Variants in SIK3 observed in about 807,000 individuals in gnomAD.
SIK3 encodes the protein serine/threonine-protein kinase SIK3.
In SIK3, 28 loss-of-function variants were observed where a neutral mutation model predicts 144.2. The ratio of observed to expected loss-of-function variants is 0.19; its 90% CI spans 0.14 to 0.27. SIK3 has a LOEUF of 0.27. SIK3 is among the 10% of genes least tolerant of loss of function. The probability of loss-of-function intolerance (pLI) is 1.00; values close to 1 mark genes in which losing one functional copy is unlikely to be tolerated. For synonymous variants in SIK3, 686 were observed against 676.3 expected, an observed-to-expected ratio of 1.01 and a Z score of -0.22; for missense variants, 1,319 against 1,776.0, an observed-to-expected ratio of 0.74 and a Z score of 4.62.
At chr11:116,879,671 A>G (rs1379367593) in intron 6 of SIK3, among the ~76,000 whole-genome samples, 1 of 152,248 alleles carries the variant, frequency 6.6e-6, no homozygotes, top group Non-Finnish European at 1.5e-5. Flanking sequence ...ATAATACAAC[A>G]AAGTTCCTAT....
intron 21 of SIK3, among the ~76,000 whole-genome samples, chr11:116,850,683 A>G (rs925045042): frequency 6.6e-6 from 1 of 152,222 alleles, no homozygotes; most frequent in Admixed American, 6.5e-5. Flanking sequence ...GTTCTAGAAC[A>G]TTGTCCTATA....
intron 3 of SIK3, among the ~76,000 whole-genome samples, chr11:116,940,785 G>A (rs1948246609): frequency 6.8e-6 from 1 of 147,544 alleles, no homozygotes; most frequent in African/African-American, 2.5e-5. Flanking sequence ...CCTGGTGGGG[G>A]CATTAAAAAA....
At chr11:117,061,495 GATA>G (rs1183849149) in intron 1 of SIK3, among the ~76,000 whole-genome samples, 1 of 152,084 alleles carries the variant, frequency 6.6e-6, no homozygotes, top group Non-Finnish European at 1.5e-5. Flanking sequence ...GCAAATTGGG[GATA>G]ATAATCATCA....
intron 4 of SIK3, among the ~76,000 whole-genome samples, chr11:116,924,766 G>C (rs1260371827): frequency 6.6e-6 from 1 of 152,178 alleles, no homozygotes; most frequent in African/African-American, 2.4e-5. Context: ...TGGGGGCTGG[G>C]GGTGTCCTCT....
chr11:116,863,514 C>G (rs943817456), intron 16 of SIK3, among the ~76,000 whole-genome samples, 154 bp downstream of exon 16: 4 of 152,160 alleles, frequency 2.6e-5, no homozygotes, highest in African/African-American at 9.7e-5. Flanking sequence ...TAGGCGGGAT[C>G]CACTGCGCCC....
At chr11:117,061,707 G>A (rs915481838) in intron 1 of SIK3, among the ~76,000 whole-genome samples, 1 of 152,114 alleles carries the variant, frequency 6.6e-6, no homozygotes, top group African/African-American at 2.4e-5. Flanking sequence ...AAGATCCTCA[G>A]GTAATTGCTG....
chr11:116,953,905 C>T (rs531032436), intron 3 of SIK3, 139 bp downstream of exon 3: 114 of 604,076 alleles, frequency 1.9e-4, no homozygotes, highest in African/African-American at 1.9e-3. Flanking sequence ...AATTAAAATG[C>T]CTTTGTTGAT....
chr11:116,887,488 G>A (rs1035116076), intron 6 of SIK3, among the ~76,000 whole-genome samples: 2 of 151,674 alleles, frequency 1.3e-5, no homozygotes, highest in Non-Finnish European at 2.9e-5. Flanking sequence ...GTGGTGGCAC[G>A]CACCTGTAGT....
intron 1 of SIK3, among the ~76,000 whole-genome samples, chr11:117,018,720 ATT>A (rs58490007): frequency 3.4e-4 from 51 of 148,384 alleles, no homozygotes; most frequent in African/African-American, 7.4e-4. Context: ...TATTTTATTT[ATT>A]TTTTTTTTTT....
chr11:117,038,486 A>T (rs945170741), intron 1 of SIK3, among the ~76,000 whole-genome samples: 2 of 151,500 alleles, frequency 1.3e-5, no homozygotes, highest in East Asian at 2.0e-4. Context: ...CCTCCAGAGT[A>T]GCTGGGATTA....
At chr11:116,903,029 G>C (rs1042413938) in intron 4 of SIK3, among the ~76,000 whole-genome samples, 3 of 152,104 alleles carry the variant, frequency 2.0e-5, no homozygotes, top group African/African-American at 7.2e-5. Flanking sequence ...TATGCATCTT[G>C]TAAGTTAAAA....
At chr11:117,056,385 G>A (rs7942637) in intron 1 of SIK3, among the ~76,000 whole-genome samples, 10,708 of 151,902 alleles carry the variant, frequency 0.07, 660 homozygotes, top group African/African-American at 0.17. Context: ...TGAGGTGGAG[G>A]GAGTGGGGAG....
intron 1 of SIK3, among the ~76,000 whole-genome samples, chr11:117,017,764 CA>C (rs1474808124): frequency 1.3e-5 from 2 of 152,070 alleles, no homozygotes; most frequent in Non-Finnish European, 2.9e-5. Flanking sequence ...TGGAATTGAA[CA>C]AATTAATCTC....
At chr11:117,027,143 C>T (rs1230852685) in intron 1 of SIK3, among the ~76,000 whole-genome samples, 2 of 152,278 alleles carry the variant, frequency 1.3e-5, no homozygotes, top group East Asian at 3.9e-4. Context: ...GATGAAAAAG[C>T]AACAGCTTTA....
intron 11 of SIK3, among the ~76,000 whole-genome samples, chr11:116,874,646 C>T (rs2134546705): frequency 6.6e-6 from 1 of 152,288 alleles, no homozygotes; most frequent in African/African-American, 2.4e-5. Flanking sequence ...AGGCTGAGAA[C>T]AAGAGACATA....
At chr11:116,885,814 G>T (rs1027221546) in intron 6 of SIK3, among the ~76,000 whole-genome samples, 1 of 152,130 alleles carries the variant, frequency 6.6e-6, no homozygotes, top group African/African-American at 2.4e-5. Context: ...CTTACTAGAT[G>T]TGCATCTTGG....
chr11:116,861,443 G>T, intron 18 of SIK3, 60 bp from the exon 19 acceptor site: 1 of 1,286,064 alleles, frequency 7.8e-7, no homozygotes, highest in Non-Finnish European at 1.1e-6. Flanking sequence ...ACAATCTTAA[G>T]TTTCAGCCAT....
intron 21 of SIK3, among the ~76,000 whole-genome samples, chr11:116,854,573 C>G (rs749015176): frequency 2.0e-4 from 31 of 152,112 alleles, no homozygotes; most frequent in Admixed American, 1.1e-3. Context: ...TGCATTCTCA[C>G]AGCACCTACA....
intron 1 of SIK3, among the ~76,000 whole-genome samples, chr11:116,979,360 T>A (rs1401108954): frequency 6.6e-6 from 1 of 152,204 alleles, no homozygotes; most frequent in Non-Finnish European, 1.5e-5. Context: ...TTTTTTTTTT[T>A]ATTTGAGGAG....
Sources: gnomAD v4.1 joint callset for allele counts (sites outside exome capture counted in the v4.1 genomes callset) on GRCh38, gnomAD v4.1.1 for gene constraint, MANE v1.5 for transcripts, NCBI Gene and HGNC (gene_info 2026-07-23, HGNC 2026-07-21) for gene names.